NAV3: variants seen among roughly 807,000 people sequenced by gnomAD.
The protein encoded by NAV3 is neuron navigator 3.
Under a neutral mutation model 244.7 loss-of-function variants are expected in NAV3, and 87 were observed. The ratio of observed to expected loss-of-function variants is 0.36; its 90% confidence interval spans 0.30 to 0.42. The LOEUF (loss-of-function observed/expected upper bound fraction) is 0.42, where lower values mean the gene tolerates loss of function less well. Ranked by LOEUF, NAV3 falls within the 20% of genes least tolerant of loss-of-function variation. The pLI is 1.00. For synonymous variants in NAV3, 1,126 were observed against 1,042.2 expected, an observed-to-expected ratio of 1.08 and a Z score of -1.55; for missense variants, 2,663 against 2,893.3, an observed-to-expected ratio of 0.92 and a Z score of 1.83.
At chr12:77,639,504 G>T (rs1230402327) in intron 2 of NAV3, among the ~76,000 whole-genome samples, 2 of 152,130 alleles carry the variant, frequency 1.3e-5, no homozygotes, top group African/African-American at 2.4e-5. Flanking sequence ...TGAGAACAGA[G>T]ATTTTTCTAC....
intron 2 of NAV3, among the ~76,000 whole-genome samples, chr12:77,702,589 T>C (rs980932363): frequency 1.8e-4 from 28 of 152,174 alleles, no homozygotes; most frequent in African/African-American, 6.7e-4. Flanking sequence ...TGTTTACTTT[T>C]TGTTTTTTGC....
chr12:77,742,440 T>C (rs1868354089), intron 2 of NAV3, among the ~76,000 whole-genome samples: 1 of 152,068 alleles, frequency 6.6e-6, no homozygotes. Context: ...ACAAATACAT[T>C]GGAAATTTTT....
chr12:78,142,679 ATGTG>A (rs1476195779), intron 20 of NAV3, among the ~76,000 whole-genome samples: 18,821 of 116,696 alleles, frequency 0.16, 2,117 homozygotes, highest in East Asian at 0.35. Flanking sequence ...ATACATATAT[ATGTG>A]TATATATATA....
chr12:77,863,487 T>C (rs1879558195), intron 1 of NAV3, among the ~76,000 whole-genome samples: 1 of 151,784 alleles, frequency 6.6e-6, no homozygotes, highest in Non-Finnish European at 1.5e-5. Context: ...TCCTATAATA[T>C]AAATAAAAAA....
chr12:77,739,369 T>C (rs1868287046), intron 2 of NAV3, among the ~76,000 whole-genome samples: 1 of 152,098 alleles, frequency 6.6e-6, no homozygotes, highest in African/African-American at 2.4e-5. Flanking sequence ...CATTTCTGGG[T>C]TATGTATCCT....
chr12:78,028,868 T>A (rs1878508276), intron 9 of NAV3, among the ~76,000 whole-genome samples: 5 of 152,226 alleles, frequency 3.3e-5, no homozygotes, highest in Admixed American at 3.3e-4. Context: ...TGTGACTTGT[T>A]AATTTAGCCC....
At chr12:78,010,469 C>T (rs1366693273) in intron 8 of NAV3, among the ~76,000 whole-genome samples, 1 of 152,102 alleles carries the variant, frequency 6.6e-6, no homozygotes, top group Non-Finnish European at 1.5e-5. Flanking sequence ...TAAACTTCAT[C>T]ATGAACTCAT....
intron 1 of NAV3, among the ~76,000 whole-genome samples, chr12:77,843,830 G>A (rs1876140582): frequency 7.4e-6 from 1 of 135,184 alleles, no homozygotes; most frequent in Admixed American, 7.3e-5. Flanking sequence ...ACCCTGTCTT[G>A]TTTAAAAAAA....
chr12:77,837,475 A>G (rs932248502), intron 1 of NAV3, among the ~76,000 whole-genome samples: 1 of 152,088 alleles, frequency 6.6e-6, no homozygotes, highest in Non-Finnish European at 1.5e-5. Context: ...TTCATAGAGT[A>G]TTCCATTCAG....
chr12:77,575,766 T>G (rs533388971), intron 2 of NAV3, among the ~76,000 whole-genome samples: 2 of 152,290 alleles, frequency 1.3e-5, no homozygotes, highest in African/African-American at 4.8e-5. Context: ...CACTGTTTTA[T>G]TGCTCCATGA....
At chr12:77,783,711 A>G (rs552560475) in intron 2 of NAV3, 1 of 152,314 alleles carries the variant, frequency 6.6e-6, no homozygotes, top group African/African-American at 2.4e-5. Context: ...TTTTACTTAG[A>G]GGAAACTACA....
intron 2 of NAV3, among the ~76,000 whole-genome samples, chr12:77,738,562 C>A (rs937479754): frequency 2.6e-5 from 4 of 152,344 alleles, no homozygotes; most frequent in South Asian, 2.1e-4. Context: ...CACACTCTCA[C>A]ATATACTCAC....
chr12:78,018,839 C>T (rs1045449777), intron 8 of NAV3, among the ~76,000 whole-genome samples: 1 of 152,094 alleles, frequency 6.6e-6, no homozygotes, highest in African/African-American at 2.4e-5. Context: ...GATTGTTTTT[C>T]CCTTCGTTCA....
At chr12:78,089,334 G>T (rs1953802820) in intron 12 of NAV3, among the ~76,000 whole-genome samples, 1 of 152,080 alleles carries the variant, frequency 6.6e-6, no homozygotes, top group African/African-American at 2.4e-5. Context: ...TATTATGAAA[G>T]CATTCAGATG....
At chr12:78,178,313 C>T (rs1260137813) in intron 28 of NAV3, among the ~76,000 whole-genome samples, 2 of 151,796 alleles carry the variant, frequency 1.3e-5, no homozygotes, top group African/African-American at 2.4e-5. Flanking sequence ...GCGTGCACCA[C>T]CACACCTGGC....
At chr12:78,044,285 T>A (rs1881383474) in intron 9 of NAV3, among the ~76,000 whole-genome samples, 1 of 152,130 alleles carries the variant, frequency 6.6e-6, no homozygotes, top group South Asian at 2.1e-4. Context: ...GTTTCATTGG[T>A]CTATATATCT....
chr12:78,087,271 G>A lies in NAV3; in HGVS notation c.2636+28156G>A, dbSNP rs1447074566. ...TAAATCTTCTATGAGAACTGATTTT[G>A]TAACAGACCTTGACATGTATAATCT... On this transcript the variant is annotated intron_variant, in intron 12 of 39. Transcript: ENST00000397909. Among the ~76,000 whole-genome samples the A allele has an allele frequency of 2.0e-5, 3 of 152,014 alleles. No homozygotes were observed. In the East Asian group the frequency reaches 5.8e-4, roughly 29 times the overall value.
intron 2 of NAV3, among the ~76,000 whole-genome samples, chr12:77,757,197 C>T (rs988708638): frequency 2.0e-5 from 3 of 152,208 alleles, no homozygotes; most frequent in Non-Finnish European, 4.4e-5. Flanking sequence ...TGAGACTGCA[C>T]ATCGGTTCTT....
At chr12:77,613,631 C>T (rs1871020245) in intron 2 of NAV3, among the ~76,000 whole-genome samples, 1 of 152,008 alleles carries the variant, frequency 6.6e-6, no homozygotes, top group Admixed American at 6.6e-5. Flanking sequence ...CACTCCTGCC[C>T]GTAAGTTAGA....
Sources: gnomAD v4.1 joint callset for allele counts (sites outside exome capture counted in the v4.1 genomes callset) on GRCh38, gnomAD v4.1.1 for gene constraint, MANE v1.5 for transcripts, NCBI Gene and HGNC (gene_info 2026-07-23, HGNC 2026-07-21) for gene names.